Variants in HECTD3 observed in about 807,000 individuals in gnomAD.
The protein encoded by HECTD3 is HECT domain E3 ubiquitin protein ligase 3.
HECTD3 carries 72 observed loss-of-function variants against 109.3 expected under a neutral mutation model. That is an observed-to-expected ratio of 0.66 (90% CI 0.54 to 0.80). The LOEUF is 0.80. Among genes scored for constraint, HECTD3 ranks in the 30% least tolerant of loss-of-function variants. The probability of loss-of-function intolerance (pLI) is 0.00; values close to 1 mark genes in which losing one functional copy is unlikely to be tolerated. For missense variants in HECTD3, 1,041 were observed against 1,165.2 expected, an observed-to-expected ratio of 0.89 and a Z score of 1.55; for synonymous variants, 481 against 471.8, an observed-to-expected ratio of 1.02 and a Z score of -0.25.
rs757590080 is a variant in HECTD3, at chr1:45,009,531, T to C, written c.875+37A>G. ...GAGTCTTTGTGAACCCACAGGGACA[T>C]AGCCCACCCACCCTGTCCTGCCCAG... On this transcript the variant is annotated intron_variant, in intron 5 of 20. Transcript: ENST00000372172. 1.2e-5 allele frequency: 19 copies of C among 1,601,822 alleles called. No homozygotes were observed. The East Asian group carries it at 1.8e-4, about 15-fold the overall frequency.
At position 45,011,305 on chromosome 1, in the gene HECTD3, C is replaced by A; in HGVS notation, c.-48G>T. The A allele has an allele frequency of 7.4e-7, 1 of 1,350,282 alleles. No homozygotes were observed. The highest frequency in any genetic ancestry group is 9.5e-7 in the Non-Finnish European group (1 of 1,056,478). 83.6% of individuals were successfully genotyped at this position (1,350,282 alleles called of 1,614,324 possible). A position where few individuals can be genotyped will look rare whatever the true frequency, so the allele number is the denominator to read the frequency against. ...CCTAGAGGCGACCCTGCCCGGGGAA[C>A]AGCTGGCGCGACCGCGGACAGAGCT... On this transcript the variant is annotated 5_prime_UTR_variant, in exon 1 of 21. Transcript: ENST00000372172.
In HECTD3 at chr1:45,004,719, T is replaced by A. The variant is rs746107718; in HGVS notation, c.2023A>T (p.Ser675Cys). The A allele has an allele frequency of 6.2e-7, 1 of 1,614,174 alleles. No individual in the cohort carries two copies. Among genetic ancestry groups the A allele is most frequent in the Non-Finnish European group, 8.5e-7 (1 of 1,179,986 alleles). ...GKELTFTTVL[S>C]DQQVVELIPG... is the part of the protein sequence containing the mutation. ...ATCAGCTCCACCACCTGTTGGTCAC[T>A]CAGTACAGTGGTGAATGTTAGTTCC... The change falls in exon 16 of 21, where the codon AGT (serine) becomes TGT (cysteine). Residue 675 changes from serine to cysteine, a missense_variant. This residue lies in a region of HECTD3 where 569 missense variants were observed against 715.3 expected (regional missense o/e 0.80). Coordinates refer to ENST00000372172, the MANE Select transcript of HECTD3 (RefSeq NM_024602.6).
intron 15 of HECTD3, chr1:45,005,038 A>T (rs868319497): frequency 8.5e-6 from 5 of 588,636 alleles, no homozygotes; most frequent in Non-Finnish European, 1.5e-5. Context: ...CTGAGACCCA[A>T]ATGATGGCTG....
Position 45,005,826 on chromosome 1 carries a change from T to C in HECTD3, c.1903A>G (p.Ser635Gly). 6.2e-7 allele frequency: 1 copy of C among 1,607,540 alleles called. No individual in the cohort carries two copies. The highest frequency in any genetic ancestry group is 8.5e-7 in the Non-Finnish European group (1 of 1,176,570). ...KQLSGEEVSW[S>G]KDFPAVDSVL... is the part of the protein sequence containing the mutation. ...GAGTCCACAGCTGGGAAGTCCTTGC[T>C]CCAGCTCACCTCCTCACCAGAAAGC... Residue 635 changes from serine to glycine, a missense_variant, in exon 15 of 21, where the codon AGC (serine) becomes GGC (glycine). Coordinates refer to ENST00000372172, the MANE Select transcript of HECTD3 (RefSeq NM_024602.6).
chr1:45,007,107 C>T (rs1410403342), intron 11 of HECTD3, 92 bp from the exon 12 acceptor site: 9 of 1,553,048 alleles, frequency 5.8e-6, no homozygotes, highest in South Asian at 1.1e-5. Context: ...GCAGTCATGG[C>T]GAGGGGTGCC....
rs767782047 is a variant in HECTD3 at position 45,006,661 on chromosome 1, G to A, written c.1725+31C>T. On this transcript the variant is annotated intron_variant, in intron 13 of 20. Coordinates refer to ENST00000372172, the MANE Select transcript of HECTD3 (RefSeq NM_024602.6). This position sits in a 1 kb window ranked among gnomAD's most constrained non-coding sequence, Gnocchi z 4.7. ...CCTTTCTAGCTCAATCTGGCACCTG[G>A]GAGGTTTGCAGAGATGGAAACGGAG... 1 of 1,569,672 alleles carries A rather than the reference G, an allele frequency of 6.4e-7. No homozygotes were observed. The highest frequency in any genetic ancestry group is 8.7e-7 in the Non-Finnish European group (1 of 1,146,642).
At position 45,008,576 on chromosome 1, in the gene HECTD3, C is replaced by T. The variant is rs775799010; in HGVS notation, c.1198G>A (p.Asp400Asn). The T allele has an allele frequency of 6.8e-6, 11 of 1,613,884 alleles. No homozygotes were observed. In the African/African-American group the frequency reaches 8.0e-5, roughly 12 times the overall value. The change falls in exon 8 of 21, where the codon GAC (aspartate) becomes AAC (asparagine). Residue 400 changes from aspartate to asparagine, a missense_variant. By Grantham distance (23) the Asp-to-Asn change is conservative. This residue lies in a region of HECTD3 where 569 missense variants were observed against 715.3 expected (regional missense o/e 0.80). Coordinates refer to ENST00000372172, the MANE Select transcript of HECTD3 (RefSeq NM_024602.6). ...GCTCTGCGGTACAGTACTTCAGGGT[C>T]GGTGCCTTCTAGGCGTGGATATCGC... ...LVRYPRLEGT[D>N]PEVLYRRAVL...
Position 45,007,443 on chromosome 1 carries a change from G to T in HECTD3, c.1473C>A (p.Asp491Glu). ...TGAAGACTGCATTCTTGCAGGCAGG[G>T]TCTCGAGAGGGGCAGGCACGGTGTT... ...AMEHRACPSR[D>E]PACKNAVFTQ... Residue 491 changes from aspartate to glutamate, a missense_variant, in exon 10 of 21, where the codon GAC becomes GAA. By Grantham distance (45) the Asp-to-Glu change is conservative. This residue lies in a region of HECTD3 where 569 missense variants were observed against 715.3 expected (regional missense o/e 0.80). Coordinates refer to ENST00000372172, the MANE Select transcript of HECTD3 (RefSeq NM_024602.6). 6.2e-7 allele frequency: 1 copy of T among 1,614,130 alleles called. No homozygotes were observed. Among genetic ancestry groups the T allele is most frequent in the Non-Finnish European group, 8.5e-7 (1 of 1,180,032 alleles).
At chr1:45,007,145 TGTGTGTGTGTGTTTGTG>T (rs1644742888) in intron 11 of HECTD3, 57 bp downstream of exon 11, 1 of 1,444,668 alleles carries the variant, frequency 6.9e-7, no homozygotes, top group African/African-American at 1.5e-5. Flanking sequence ...TGTGTGTGTG[TGTGTGTGTGTGTTTGTG>T]TGTGTTTGTG....
At position 45,003,766 on chromosome 1, in the gene HECTD3, C is replaced by A; in HGVS notation, c.2430-26G>T. 6.2e-7 allele frequency: 1 copy of A among 1,613,694 alleles called. No homozygotes were observed. Among genetic ancestry groups the A allele is most frequent in the South Asian group, 1.1e-5 (1 of 91,040 alleles). ...CTGGGGGCATTGAGGGACCATAGGTCAGGAAGATGTGTTGGGGCACATGTA... is the reference window on the plus strand; with the variant it reads ...CTGGGGGCATTGAGGGACCATAGGTAAGGAAGATGTGTTGGGGCACATGTA... On this transcript the variant is annotated intron_variant, in intron 19 of 20. Coordinates refer to ENST00000372172, the MANE Select transcript of HECTD3 (RefSeq NM_024602.6). The surrounding 1 kb of genome is among the most constrained non-coding windows in gnomAD (Gnocchi z 4.7).
rs751621651 is a variant in HECTD3, at chr1:45,004,335, C to T, written c.2185G>A (p.Ala729Thr). 2 of 1,613,964 alleles carry T rather than the reference C, an allele frequency of 1.2e-6. No homozygotes were observed. The highest frequency in any genetic ancestry group is 2.7e-5 in the African/African-American group (2 of 74,942). ...QAGLLKVVPQ[A>T]VLDLLTWQEL... ...TGCCAGGTCAGCAAGTCCAGCACAG[C>T]CTGTGGTACCACCTTCAGCAGACCT... Residue 729 changes from alanine (A) to threonine (T), a missense_variant, in exon 17 of 21, where the codon GCT (alanine) becomes ACT (threonine). Ala to Thr is a moderately conservative substitution (Grantham distance 58). This residue lies in a region of HECTD3 where 569 missense variants were observed against 715.3 expected (regional missense o/e 0.80). Coordinates refer to ENST00000372172, the MANE Select transcript of HECTD3 (RefSeq NM_024602.6).
intron 2 of HECTD3, 51 bp downstream of exon 2, chr1:45,010,495 C>A (rs756800250): frequency 3.2e-5 from 52 of 1,607,852 alleles, no homozygotes; most frequent in Middle Eastern, 3.4e-4. Context: ...GTTCCCAAGC[C>A]CTCCTGGCCC....
chr1:45,009,433 G>A lies in HECTD3; in HGVS notation c.925C>T (p.Arg309Trp), dbSNP rs1245637263. Residue 309 changes from arginine to tryptophan, a missense_variant, in exon 6 of 21, where the codon CGG (arginine) becomes TGG (tryptophan). Physicochemically the swap from Arg to Trp is moderately radical, Grantham distance 101. This residue lies in a region of HECTD3 where 472 missense variants were observed against 449.9 expected (regional missense o/e 1.05). Transcript: ENST00000372172. ...CCTTCACCCCCATAGACCACCACCCGCTTTGGCATAAAGTTGTCATCTGTG... is the reference window on the plus strand; with the variant it reads ...CCTTCACCCCCATAGACCACCACCCACTTTGGCATAAAGTTGTCATCTGTG... ...DTTDDNFMPK[R>W]VVVYGGEGDN... 3.7e-6 allele frequency: 6 copies of A among 1,614,112 alleles called. No homozygotes were observed. Among genetic ancestry groups the A allele is most frequent in the South Asian group, 1.1e-5 (1 of 91,070 alleles).
At position 45,007,204 on chromosome 1, in the gene HECTD3, ACT is replaced by A; in HGVS notation, c.1556+13_1556+14del. On this transcript the variant is annotated intron_variant, in intron 11 of 20. Transcript: ENST00000372172. ...AACAGGTGTCCCGAGTAAGTCCCTC[ACT>A]CTCATGCCATACCTGTAGTCCAGGG... The A allele has an allele frequency of 6.2e-7, 1 of 1,607,516 alleles. No homozygotes were observed. The highest frequency in any genetic ancestry group is 8.5e-7 in the Non-Finnish European group (1 of 1,175,536).
chr1:45,007,647 C>G (rs1165761043), intron 9 of HECTD3, 52 bp from the exon 10 acceptor site: 1 of 1,477,494 alleles, frequency 6.8e-7, no homozygotes, highest in Non-Finnish European at 9.3e-7. Flanking sequence ...CAGCCTCCGT[C>G]CAGGCCCTGG....
Position 45,009,168 on chromosome 1 carries a change from C to T in HECTD3, c.1048G>A (p.Glu350Lys), listed in dbSNP as rs1644761476. ...EDMTVHLPII[E>K]IRIVECRDDG... is the part of the protein sequence containing the mutation. ...CCTCGGCACTCCACGATGCGGATCT[C>T]GATGATCGGGAGGTGGACGGTCATG... is the stretch of plus-strand genomic sequence containing the variant. Residue 350 changes from glutamate to lysine, a missense_variant, in exon 7 of 21, where the codon GAG becomes AAG. This residue lies in a region of HECTD3 where 569 missense variants were observed against 715.3 expected (regional missense o/e 0.80). Transcript: ENST00000372172. 12 of 1,614,068 alleles carry T rather than the reference C, an allele frequency of 7.4e-6. No individual in the cohort carries two copies. The highest frequency in any genetic ancestry group is 9.3e-6 in the Non-Finnish European group (11 of 1,179,950).
At chr1:45,004,859 C>T (rs1644721213) in intron 15 of HECTD3, 53 bp from the exon 16 acceptor site, 1 of 1,508,496 alleles carries the variant, frequency 6.6e-7, no homozygotes, top group African/African-American at 1.4e-5. Context: ...GAGATAGTCC[C>T]TGTCTTTCCA....
chr1:45,009,823 G>A (rs1016888593), intron 4 of HECTD3, 140 bp from the exon 5 acceptor site: 8 of 1,056,194 alleles, frequency 7.6e-6, no homozygotes, highest in Admixed American at 4.5e-5. Flanking sequence ...GGGCCGCTGG[G>A]TATGTAAGGG....
At position 45,004,664 on chromosome 1, in the gene HECTD3, T is replaced by A; in HGVS notation, c.2078A>T (p.Tyr693Phe). 6.2e-7 allele frequency: 1 copy of A among 1,614,184 alleles called. No individual in the cohort carries two copies. Among genetic ancestry groups the A allele is most frequent in the Non-Finnish European group, 8.5e-7 (1 of 1,180,030 alleles). ...IPGGAGIVVG[Y>F]GDRSRFIQLV... is the part of the protein sequence containing the mutation. The stretch of plus-strand genomic sequence containing the variant: ...TTGGATGAAACGAGAACGGTCCCCA[T>A]ATCCCACGACGATGCCTGCACCCCC... The change falls in exon 16 of 21, where the codon TAT (tyrosine) becomes TTT (phenylalanine). Residue 693 changes from tyrosine to phenylalanine, a missense_variant. This residue lies in a region of HECTD3 where 569 missense variants were observed against 715.3 expected (regional missense o/e 0.80). Transcript: ENST00000372172.
Sources: allele counts gnomAD v4.1 joint callset, GRCh38; gene constraint gnomAD v4.1.1; regional missense constraint gnomAD v4.1.1; non-coding constraint Gnocchi (gnomAD v3.1); transcripts MANE v1.5; gene names NCBI Gene and HGNC (gene_info 2026-07-23, HGNC 2026-07-21).